PLCL1: variants seen among roughly 807,000 people sequenced by gnomAD.
PLCL1 encodes the protein phospholipase C like 1 (inactive).
A neutral mutation model predicts 84.4 loss-of-function variants in PLCL1; 41 were observed. That is an observed-to-expected ratio of 0.49 (90% confidence interval 0.38 to 0.63). The LOEUF is 0.63. PLCL1 is among the 30% of genes least tolerant of loss of function. The pLI, the probability that PLCL1 is intolerant of heterozygous loss-of-function variation, is 0.00. For missense variants in PLCL1, 1,206 were observed against 1,367.8 expected (o/e 0.88, Z 1.87); for synonymous variants, 490 against 488.3 (o/e 1.00, Z -0.05).
intron 1 of PLCL1, among the ~76,000 whole-genome samples, chr2:197,990,066 A>T (rs923426743): frequency 4.6e-5 from 7 of 152,192 alleles, no homozygotes; most frequent in African/African-American, 2.4e-5. Flanking sequence ...GTCACCTTAT[A>T]TTGGAGTCTT....
At position 197,812,695 on chromosome 2, in the gene PLCL1, C is replaced by T. The variant is rs895018326; in HGVS notation, c.240+7356C>T. Among the ~76,000 whole-genome samples the T allele has an allele frequency of 3.3e-5, 5 of 152,104 alleles. No individual in the cohort carries two copies. In the East Asian group the frequency reaches 5.8e-4, roughly 18 times the overall value. ...GTATTATTTACACGGTACAATATCA[C>T]GGTTAGAAATGGTGGGATTGTGATG... is the stretch of plus-strand genomic sequence containing the variant. On this transcript the variant is annotated intron_variant, in intron 1 of 5. Coordinates refer to ENST00000428675, the MANE Select transcript of PLCL1 (RefSeq NM_006226.4).
chr2:197,819,477 A>G (rs1574895463), intron 1 of PLCL1, among the ~76,000 whole-genome samples: 1 of 152,220 alleles, frequency 6.6e-6, no homozygotes, highest in South Asian at 2.1e-4. Flanking sequence ...AGGATCTGAG[A>G]ATGAGCAGTT....
At chr2:198,077,670 A>G (rs991205069) in intron 1 of PLCL1, among the ~76,000 whole-genome samples, 1 of 152,118 alleles carries the variant, frequency 6.6e-6, no homozygotes, top group Admixed American at 6.6e-5. Flanking sequence ...CAACACTGAA[A>G]CTGCAGCCCA....
intron 1 of PLCL1, among the ~76,000 whole-genome samples, chr2:197,850,128 T>G (rs1687206322): frequency 6.6e-6 from 1 of 151,660 alleles, no homozygotes; most frequent in Non-Finnish European, 1.5e-5. Context: ...GGTATGCCCT[T>G]GGGCAGGTGA....
intron 1 of PLCL1, among the ~76,000 whole-genome samples, chr2:198,032,170 AATCT>A (rs1307875128): frequency 4.6e-5 from 7 of 152,214 alleles, no homozygotes; most frequent in Non-Finnish European, 1.0e-4. Flanking sequence ...TCTAAGAATC[AATCT>A]GTCTGTGTGC....
At chr2:198,008,878 C>T (rs1268782156) in intron 1 of PLCL1, among the ~76,000 whole-genome samples, 1 of 151,944 alleles carries the variant, frequency 6.6e-6, no homozygotes, top group South Asian at 2.1e-4. Context: ...ATTTTACGCT[C>T]TTTTGATGGT....
chr2:197,868,323 T>C (rs969701168), intron 1 of PLCL1, among the ~76,000 whole-genome samples: 4 of 152,194 alleles, frequency 2.6e-5, no homozygotes, highest in Admixed American at 1.3e-4. Context: ...ATGTTGCTTA[T>C]CTGACAATCT....
chr2:198,108,985 C>A (rs374390663), intron 5 of PLCL1, among the ~76,000 whole-genome samples: 1 of 151,996 alleles, frequency 6.6e-6, no homozygotes, highest in East Asian at 1.9e-4. Context: ...CTTTTCAAGA[C>A]AATCACTGGA....
intron 1 of PLCL1, among the ~76,000 whole-genome samples, chr2:197,892,950 G>A (rs1688058355): frequency 1.3e-5 from 2 of 152,138 alleles, no homozygotes; most frequent in Non-Finnish European, 2.9e-5. Context: ...AGCTGAGATC[G>A]CGCCACTGCA....
intron 1 of PLCL1, among the ~76,000 whole-genome samples, chr2:197,829,310 G>A (rs1422451845): frequency 2.6e-5 from 4 of 152,152 alleles, no homozygotes; most frequent in Non-Finnish European, 5.9e-5. Context: ...TACCCAGCTA[G>A]TAAATCATAT....
At chr2:197,834,718 A>G (rs191459881) in intron 1 of PLCL1, among the ~76,000 whole-genome samples, 1 of 152,352 alleles carries the variant, frequency 6.6e-6, no homozygotes, top group Admixed American at 6.5e-5. Context: ...AAATTAGTTC[A>G]ACCATTGTGG....
At chr2:197,898,022 ACCATCTC>A (rs1688188506) in intron 1 of PLCL1, among the ~76,000 whole-genome samples, 1 of 152,204 alleles carries the variant, frequency 6.6e-6, no homozygotes, top group Non-Finnish European at 1.5e-5. Context: ...CCACAGGCTC[ACCATCTC>A]CGTGTAGAGA....
At chr2:197,936,494 G>T (rs1448561712) in intron 1 of PLCL1, among the ~76,000 whole-genome samples, 1 of 152,038 alleles carries the variant, frequency 6.6e-6, no homozygotes, top group East Asian at 1.9e-4. Context: ...GCATTTTCTT[G>T]ATGATTAGTG....
chr2:197,943,631 T>TC (rs1158207104), intron 1 of PLCL1, among the ~76,000 whole-genome samples: 1 of 150,636 alleles, frequency 6.6e-6, no homozygotes, highest in Non-Finnish European at 1.5e-5. Flanking sequence ...TTACATCTTT[T>TC]TTTTTTTTTT....
At chr2:198,123,757 A>G (rs1693924366) in intron 5 of PLCL1, among the ~76,000 whole-genome samples, 1 of 152,094 alleles carries the variant, frequency 6.6e-6, no homozygotes. Context: ...CAGCAGCAGC[A>G]TTAGATTCTC....
At chr2:197,976,991 C>T (rs1356173221) in intron 1 of PLCL1, among the ~76,000 whole-genome samples, 1 of 152,122 alleles carries the variant, frequency 6.6e-6, no homozygotes, top group African/African-American at 2.4e-5. Flanking sequence ...CTCATGTGGA[C>T]CGTTTGGTCT....
chr2:197,808,457 A>C (rs570517405), intron 1 of PLCL1, among the ~76,000 whole-genome samples: 1 of 152,326 alleles, frequency 6.6e-6, no homozygotes, highest in Non-Finnish European at 1.5e-5. Flanking sequence ...TATTGCTTAT[A>C]GCCCTATAAT....
At chr2:198,063,879 GT>G (rs1475123787) in intron 1 of PLCL1, among the ~76,000 whole-genome samples, 1 of 152,172 alleles carries the variant, frequency 6.6e-6, no homozygotes, top group Non-Finnish European at 1.5e-5. Context: ...TGGAGATAGT[GT>G]TCCCACAGAA....
At chr2:198,023,279 C>G (rs1467356558) in intron 1 of PLCL1, among the ~76,000 whole-genome samples, 2 of 152,128 alleles carry the variant, frequency 1.3e-5, no homozygotes, top group African/African-American at 4.8e-5. Flanking sequence ...AATGTAAAAC[C>G]TAGAACCATA....
Sources: allele counts gnomAD v4.1 joint callset (sites outside exome capture counted in the v4.1 genomes callset), GRCh38; gene constraint gnomAD v4.1.1; transcripts MANE v1.5; gene names NCBI Gene and HGNC (gene_info 2026-07-23, HGNC 2026-07-21).